Variants in CLYBL observed in about 807,000 individuals in gnomAD.
The protein encoded by CLYBL is citramalyl-CoA lyase.
In CLYBL, 31 loss-of-function variants were observed where a neutral mutation model predicts 38.9. The ratio of observed to expected loss-of-function variants is 0.80; its 90% confidence interval spans 0.60 to 1.08. The LOEUF (loss-of-function observed/expected upper bound fraction) is 1.08. Ranked by LOEUF, CLYBL falls within the 50% of genes least tolerant of loss-of-function variation. The probability of loss-of-function intolerance (pLI) is 0.00; values close to 1 mark genes in which losing one functional copy is unlikely to be tolerated. For missense variants in CLYBL, 434 were observed against 411.6 expected (o/e 1.05, Z -0.47); for synonymous variants, 171 against 158.6 (o/e 1.08, Z -0.59).
chr13:99,894,484 A>G (rs141087819), downstream of CLYBL: 329 of 152,366 alleles, frequency 2.2e-3, 2 homozygotes, highest in African/African-American at 7.5e-3. Flanking sequence ...CTATTAAAAC[A>G]TTATCAGAAC....
chr13:99,657,476 A>G (rs1251403699), intron 1 of CLYBL, among the ~76,000 whole-genome samples: 1 of 152,220 alleles, frequency 6.6e-6, no homozygotes, highest in Non-Finnish European at 1.5e-5. Context: ...TTGACTTTCC[A>G]TATAATTGTC....
intron 1 of CLYBL, among the ~76,000 whole-genome samples, chr13:99,629,341 G>C (rs1227915634): frequency 6.6e-6 from 1 of 152,214 alleles, no homozygotes; most frequent in Non-Finnish European, 1.5e-5. Context: ...CTCCTGACAA[G>C]TACAAATGCG....
At chr13:99,637,154 A>T (rs935331258) in intron 1 of CLYBL, among the ~76,000 whole-genome samples, 1 of 152,220 alleles carries the variant, frequency 6.6e-6, no homozygotes, top group African/African-American at 2.4e-5. Flanking sequence ...GGTTACAGGC[A>T]TGAGCCACTG....
At chr13:99,752,588 CCAGA>C (rs1008196982) in intron 1 of CLYBL, among the ~76,000 whole-genome samples, 32 of 152,242 alleles carry the variant, frequency 2.1e-4, no homozygotes, top group Admixed American at 5.2e-4. Flanking sequence ...CCAGGGTAAA[CCAGA>C]CTGTCTACCC....
At chr13:99,770,181 G>A (rs562172393) in intron 1 of CLYBL, among the ~76,000 whole-genome samples, 162 of 148,634 alleles carry the variant, frequency 1.1e-3, no homozygotes, top group African/African-American at 3.9e-3. Context: ...TCCACCTCCC[G>A]GGTTCAAGGG....
chr13:99,658,965 G>A (rs954156021), intron 1 of CLYBL, among the ~76,000 whole-genome samples: 3 of 152,092 alleles, frequency 2.0e-5, no homozygotes, highest in Non-Finnish European at 4.4e-5. Context: ...TCCTACTACC[G>A]TCTCTTCACT....
At chr13:99,812,863 C>T (rs1266612199) in intron 2 of CLYBL, among the ~76,000 whole-genome samples, 1 of 152,174 alleles carries the variant, frequency 6.6e-6, no homozygotes. Flanking sequence ...AGGGGGGGCC[C>T]TGTCATGCCA....
chr13:99,684,905 A>AT (rs2047795888), intron 1 of CLYBL, among the ~76,000 whole-genome samples: 2 of 152,256 alleles, frequency 1.3e-5, no homozygotes, highest in Non-Finnish European at 2.9e-5. Context: ...ACAACCAGCC[A>AT]ATAAAACAGC....
intron 6 of CLYBL, among the ~76,000 whole-genome samples, chr13:99,868,276 T>C (rs914262233): frequency 6.6e-5 from 10 of 152,180 alleles, no homozygotes; most frequent in African/African-American, 1.9e-4. Context: ...GATAATAAGA[T>C]AGATTATTTG....
chr13:99,823,015 A>G (rs1034800751), intron 2 of CLYBL, among the ~76,000 whole-genome samples: 2 of 152,210 alleles, frequency 1.3e-5, no homozygotes, highest in Non-Finnish European at 2.9e-5. Flanking sequence ...TTTTGGGATT[A>G]TATCAACATT....
At chr13:99,673,772 T>G (rs1594112740) in intron 1 of CLYBL, among the ~76,000 whole-genome samples, 1 of 152,170 alleles carries the variant, frequency 6.6e-6, no homozygotes, top group South Asian at 2.1e-4. Flanking sequence ...CCAGAAGTTA[T>G]GTTGAGAATA....
intron 1 of CLYBL, among the ~76,000 whole-genome samples, chr13:99,673,495 AG>A (rs1251473919): frequency 1.3e-5 from 2 of 152,302 alleles, no homozygotes; most frequent in Admixed American, 6.5e-5. Context: ...GGTAAGGATA[AG>A]CCCCATTGAG....
Position 99,853,757 on chromosome 13 carries a change from C to T in CLYBL, c.250-5104C>T, listed in dbSNP as rs73559334. Among the ~76,000 whole-genome samples, 1,239 of 152,100 alleles carry T rather than the reference C, an allele frequency of 8.1e-3. 16 individuals are homozygous for T. Among genetic ancestry groups the T allele is most frequent in the African/African-American group, 0.028 (1,176 of 41,470 alleles). ...TTGACTGGTGAGGATGGTCTATGTCCTAAGCAATGCTGTTTTTAAATACAA... is the reference window on the plus strand; with the variant it reads ...TTGACTGGTGAGGATGGTCTATGTCTTAAGCAATGCTGTTTTTAAATACAA... On this transcript the variant is annotated intron_variant, in intron 2 of 8. Transcript: ENST00000339105.
chr13:99,907,966 C>T (rs898308411), intron 9 of CLYBL, among the ~76,000 whole-genome samples: 3 of 152,184 alleles, frequency 2.0e-5, no homozygotes, highest in Non-Finnish European at 2.9e-5. Context: ...CCTCTCATCC[C>T]GGGGAGGACG....
chr13:99,716,170 T>G (rs61280004), intron 1 of CLYBL, among the ~76,000 whole-genome samples: 831 of 40,938 alleles, frequency 0.02, 13 homozygotes, highest in African/African-American at 0.097. Context: ...ATTGGTGTAA[T>G]TTTTTTTTTT....
intron 1 of CLYBL, among the ~76,000 whole-genome samples, chr13:99,646,335 G>A (rs938270246): frequency 2.7e-4 from 41 of 152,006 alleles, no homozygotes; most frequent in African/African-American, 9.7e-4. Context: ...TGGCCTGGGG[G>A]AAGAAGGGTT....
intron 1 of CLYBL, among the ~76,000 whole-genome samples, chr13:99,658,667 A>G (rs2139324228): frequency 6.6e-6 from 1 of 152,318 alleles, no homozygotes; most frequent in South Asian, 2.1e-4. Context: ...AGCCTCGGGC[A>G]GAGCAGGTTC....
chr13:99,763,806 G>C (rs2049213702), intron 1 of CLYBL, among the ~76,000 whole-genome samples: 1 of 152,060 alleles, frequency 6.6e-6, no homozygotes. Flanking sequence ...GCCCGCCTTA[G>C]CCTCCCAAAG....
At chr13:99,613,566 G>A (rs1052422459) in intron 1 of CLYBL, among the ~76,000 whole-genome samples, 1 of 150,740 alleles carries the variant, frequency 6.6e-6, no homozygotes, top group Non-Finnish European at 1.5e-5. Context: ...AAAAAGGGAG[G>A]GAAGGGACCC....
Sources: allele counts gnomAD v4.1 joint callset (sites outside exome capture counted in the v4.1 genomes callset), GRCh38; gene constraint gnomAD v4.1.1; transcripts MANE v1.5; gene names NCBI Gene and HGNC (gene_info 2026-07-23, HGNC 2026-07-21).